NUAK1: variants seen among roughly 807,000 people sequenced by gnomAD.
NUAK1 encodes NUAK family SNF1-like kinase 1.
Under a neutral mutation model 56.9 loss-of-function variants are expected in NUAK1, and 26 were observed. The observed-to-expected ratio is 0.46, with a 90% CI of 0.33 to 0.63. The LOEUF (loss-of-function observed/expected upper bound fraction) is 0.63, where lower values mean the gene tolerates loss of function less well. NUAK1 is among the 30% of genes least tolerant of loss of function. NUAK1 has a pLI of 0.02. For synonymous variants in NUAK1, 337 were observed against 336.0 expected (o/e 1.00, Z -0.03); for missense variants, 727 against 876.1 (o/e 0.83, Z 2.15).
intron 4 of NUAK1, among the ~76,000 whole-genome samples, chr12:106,077,295 A>G (rs759054253): frequency 7.9e-5 from 12 of 152,290 alleles, no homozygotes; most frequent in Non-Finnish European, 1.3e-4. Flanking sequence ...CATCTGCAAA[A>G]TGGCACTCAG....
intron 5 of NUAK1, among the ~76,000 whole-genome samples, chr12:106,072,451 T>C (rs2032415855): frequency 6.6e-6 from 1 of 152,228 alleles, no homozygotes; most frequent in Non-Finnish European, 1.5e-5. Flanking sequence ...AGATCTACAT[T>C]GGGAAAAGTT....
In NUAK1 at chr12:106,128,473, T is replaced by C. The variant is rs188546806; in HGVS notation, c.240+9941A>G. ...GATTGGACGGTCCACTTCCCTTCCA[T>C]GATCCTGTAGAAGACTGGGACATGA... On this transcript the variant is annotated intron_variant, in intron 1 of 6. Transcript: ENST00000261402. Among the ~76,000 whole-genome samples the C allele has an allele frequency of 9.1e-4, 139 of 152,286 alleles. 1 individual carries two copies. In the East Asian group the frequency reaches 0.016, roughly 18 times the overall value.
At chr12:106,118,238 A>G (rs898232335) in intron 1 of NUAK1, among the ~76,000 whole-genome samples, 3 of 152,140 alleles carry the variant, frequency 2.0e-5, no homozygotes, top group African/African-American at 7.2e-5. Context: ...ATAAGCTAGA[A>G]ATTTTGCAGG....
At chr12:106,084,914 G>A (rs938265637) in intron 3 of NUAK1, among the ~76,000 whole-genome samples, 9 of 152,174 alleles carry the variant, frequency 5.9e-5, no homozygotes, top group Admixed American at 5.2e-4. Context: ...AAACCAACAG[G>A]CATGTTTATG....
intron 4 of NUAK1, among the ~76,000 whole-genome samples, chr12:106,076,083 G>A (rs981780957): frequency 9.9e-5 from 15 of 152,272 alleles, no homozygotes; most frequent in African/African-American, 1.2e-4. Context: ...AGGATACTGC[G>A]GAAAGGCAAA....
intron 2 of NUAK1, among the ~76,000 whole-genome samples, chr12:106,088,252 T>C (rs2032596231): frequency 6.6e-6 from 1 of 152,176 alleles, no homozygotes; most frequent in South Asian, 2.1e-4. Flanking sequence ...TCATCACTCT[T>C]AAGGGATATA....
chr12:106,063,580 G>C lies in NUAK1; in HGVS notation c.*3222C>G, dbSNP rs1442189514. On this transcript the variant is annotated 3_prime_UTR_variant, in exon 7 of 7. Transcript: ENST00000261402. ...ACCAATATATTATTATAATACCTTT[G>C]AAATGCCTTTCAGACCAATAAATAA... is the stretch of plus-strand genomic sequence containing the variant. 2.0e-5 allele frequency: 3 copies of C among 151,598 alleles called. No homozygotes were observed. Among genetic ancestry groups the C allele is most frequent in the Non-Finnish European group, 2.9e-5 (2 of 67,944 alleles). The allele number at this position is 151,598 out of a possible 1,614,324, so 9.4% of individuals were successfully genotyped here. A position where few individuals can be genotyped will look rare whatever the true frequency, so the allele number is the denominator to read the frequency against.
At chr12:106,109,292 C>T (rs2059769) in intron 1 of NUAK1, among the ~76,000 whole-genome samples, 46,408 of 151,974 alleles carry the variant, frequency 0.31, 7,519 homozygotes, top group South Asian at 0.37. Flanking sequence ...GAGCAGACAC[C>T]GTGCTGAATG....
At chr12:106,115,860 C>T (rs969776070) in intron 1 of NUAK1, among the ~76,000 whole-genome samples, 1 of 152,142 alleles carries the variant, frequency 6.6e-6, no homozygotes, top group East Asian at 1.9e-4. Flanking sequence ...ATCTTGGAGA[C>T]CCTAGTTGTG....
At chr12:106,080,516 G>A (rs2032505788) in intron 4 of NUAK1, among the ~76,000 whole-genome samples, 1 of 152,202 alleles carries the variant, frequency 6.6e-6, no homozygotes, top group African/African-American at 2.4e-5. Flanking sequence ...GCCCAAAGCA[G>A]CACATTGCTC....
chr12:106,064,544 A>AT lies in NUAK1; in HGVS notation c.*2257dup, dbSNP rs2032313407. On this transcript the variant is annotated 3_prime_UTR_variant, in exon 7 of 7. Coordinates refer to ENST00000261402, the MANE Select transcript of NUAK1 (RefSeq NM_014840.3). ...TAGACTGACTTTCCTCAATAGTGTC[A>AT]TTTTTACTTAAAGACTAGAATGATG... 1 of 152,176 alleles carries AT rather than the reference A, an allele frequency of 6.6e-6. No homozygotes were observed. The highest frequency in any genetic ancestry group is 2.1e-4 in the South Asian group (1 of 4,828). The allele number at this position is 152,176 out of a possible 1,614,324, so 9.4% of individuals were successfully genotyped here.
intron 1 of NUAK1, among the ~76,000 whole-genome samples, chr12:106,122,499 A>C (rs903300658): frequency 6.6e-6 from 1 of 152,204 alleles, no homozygotes; most frequent in Non-Finnish European, 1.5e-5. Context: ...ATCGCCTGGC[A>C]TGTAATTGCT....
intron 1 of NUAK1, among the ~76,000 whole-genome samples, chr12:106,129,591 C>T: frequency 6.6e-6 from 1 of 152,294 alleles, no homozygotes; most frequent in East Asian, 1.9e-4. Context: ...CCTTGAAGGA[C>T]ATGGTAAATT....
At chr12:106,097,517 C>T in intron 2 of NUAK1, among the ~76,000 whole-genome samples, 1 of 152,168 alleles carries the variant, frequency 6.6e-6, no homozygotes, top group East Asian at 1.9e-4. Flanking sequence ...CATTCCCTGC[C>T]TTCAAAAGAA....
intron 4 of NUAK1, among the ~76,000 whole-genome samples, chr12:106,074,461 T>A (rs917359630): frequency 6.6e-6 from 1 of 152,154 alleles, no homozygotes; most frequent in Admixed American, 6.5e-5. Context: ...GATGAGGAAA[T>A]TGAGGTTTAA....
At chr12:106,094,886 C>G (rs774104541) in intron 2 of NUAK1, among the ~76,000 whole-genome samples, 1 of 152,086 alleles carries the variant, frequency 6.6e-6, no homozygotes, top group Non-Finnish European at 1.5e-5. Flanking sequence ...AGGCAGGGGA[C>G]GTGGCCAGGA....
At chr12:106,090,369 G>C (rs892829933) in intron 2 of NUAK1, among the ~76,000 whole-genome samples, 3 of 152,178 alleles carry the variant, frequency 2.0e-5, no homozygotes, top group African/African-American at 7.2e-5. Context: ...AAGGAGGCCA[G>C]AGCTGTTACA....
intron 3 of NUAK1, among the ~76,000 whole-genome samples, chr12:106,085,222 A>C (rs1312301863): frequency 6.6e-6 from 1 of 152,232 alleles, no homozygotes; most frequent in Non-Finnish European, 1.5e-5. Context: ...ATTCATACAG[A>C]ATCCAAGTGT....
Position 106,092,116 on chromosome 12 carries a change from G to A in NUAK1, c.362-5231C>T, listed in dbSNP as rs192650688. On this transcript the variant is annotated intron_variant, in intron 2 of 6. Transcript: ENST00000261402. ...TTGCCAGCCCCCTGCAAGCACCCCT[G>A]CCATGCCCTCTTTCTGTCATTAATC... is the stretch of plus-strand genomic sequence containing the variant. Among the ~76,000 whole-genome samples the A allele has an allele frequency of 8.4e-4, 128 of 152,240 alleles. 1 individual carries two copies. In the East Asian group the frequency reaches 0.017, roughly 20 times the overall value.
Sources: gnomAD v4.1 joint callset for allele counts (sites outside exome capture counted in the v4.1 genomes callset) on GRCh38, gnomAD v4.1.1 for gene constraint, MANE v1.5 for transcripts, NCBI Gene and HGNC (gene_info 2026-07-23, HGNC 2026-07-21) for gene names.